Variants in CBX5 observed in about 807,000 individuals in gnomAD.
CBX5 encodes the protein chromobox protein homolog 5.
Under a neutral mutation model 20.7 loss-of-function variants are expected in CBX5, and 7 were observed. The ratio of observed to expected loss-of-function variants is 0.34; its 90% confidence interval spans 0.19 to 0.63. The LOEUF is 0.63. CBX5 is among the 30% of genes least tolerant of loss of function. The pLI, the probability that CBX5 is intolerant of heterozygous loss-of-function variation, is 0.75. For missense variants in CBX5, 110 were observed against 224.1 expected, an observed-to-expected ratio of 0.49 and a Z score of 3.25; for synonymous variants, 78 against 77.0, an observed-to-expected ratio of 1.01 and a Z score of -0.07.
chr12:54,272,209 T>C (rs995914542), intron 1 of CBX5: 7 of 152,218 alleles, frequency 4.6e-5, no homozygotes, highest in Non-Finnish European at 8.8e-5. Flanking sequence ...CTAAGAAACA[T>C]AGATTACTAT....
At chr12:54,267,488 GC>G (rs1380024131) in intron 1 of CBX5, among the ~76,000 whole-genome samples, 1 of 151,954 alleles carries the variant, frequency 6.6e-6, no homozygotes, top group Non-Finnish European at 1.5e-5. Flanking sequence ...TTAACGAAGA[GC>G]CTGTGTTAAG....
chr12:54,275,177 A>G (rs1944049443), intron 1 of CBX5, among the ~76,000 whole-genome samples: 3 of 152,172 alleles, frequency 2.0e-5, no homozygotes, highest in African/African-American at 7.2e-5. Context: ...ACTAGTTTTC[A>G]GACAGAATAT....
chr12:54,246,592 C>G (rs1229624838), intron 3 of CBX5, among the ~76,000 whole-genome samples: 1 of 151,788 alleles, frequency 6.6e-6, no homozygotes, highest in East Asian at 1.9e-4. Context: ...CCAGCCTGGC[C>G]AACATGGTGA....
intron 1 of CBX5, among the ~76,000 whole-genome samples, chr12:54,267,811 C>A (rs1394114128): frequency 6.6e-6 from 1 of 152,196 alleles, no homozygotes; most frequent in Non-Finnish European, 1.5e-5. Context: ...TGAGCCACAG[C>A]ACACAGCTGA....
chr12:54,262,125 G>T (rs1007914431), intron 1 of CBX5, among the ~76,000 whole-genome samples: 1 of 152,160 alleles, frequency 6.6e-6, no homozygotes, highest in Non-Finnish European at 1.5e-5. Context: ...TCTCTCAAGG[G>T]CAAAATACTT....
rs1943571706 is a variant in CBX5, at chr12:54,231,726, A to G, written c.*10029T>C. The G allele has an allele frequency of 6.6e-6, 1 of 152,304 alleles. No individual in the cohort carries two copies. The highest frequency in any genetic ancestry group is 1.5e-5 in the Non-Finnish European group (1 of 68,068). 9.4% of individuals were successfully genotyped at this position (152,304 alleles called of 1,614,324 possible). On this transcript the variant is annotated 3_prime_UTR_variant, in exon 5 of 5. Coordinates refer to ENST00000209875, the MANE Select transcript of CBX5 (RefSeq NM_012117.3). ...TCAAGGTTAGGTTCAGACTGCAGACACTAAGAGATGACAGATGTTGAATAC... is the reference window on the plus strand; with the variant it reads ...TCAAGGTTAGGTTCAGACTGCAGACGCTAAGAGATGACAGATGTTGAATAC...
chr12:54,247,447 C>G (rs1172345987), intron 3 of CBX5, among the ~76,000 whole-genome samples: 1 of 152,132 alleles, frequency 6.6e-6, no homozygotes, highest in Non-Finnish European at 1.5e-5. Context: ...GGGAGGATCC[C>G]TTGGGCCCAG....
At chr12:54,269,981 C>T (rs1373442634) in intron 1 of CBX5, among the ~76,000 whole-genome samples, 8 of 152,102 alleles carry the variant, frequency 5.3e-5, no homozygotes, top group African/African-American at 1.9e-4. Context: ...AAAATATTCC[C>T]TTATTATCTG....
At chr12:54,257,234 G>T (rs1485214465) in intron 2 of CBX5, among the ~76,000 whole-genome samples, 1 of 152,166 alleles carries the variant, frequency 6.6e-6, no homozygotes, top group Admixed American at 6.6e-5. Flanking sequence ...CATCCAGTTT[G>T]TATCATAAGT....
rs73321055 is a variant in CBX5, at chr12:54,257,782, G to A, written c.-42-90C>T. The A allele has an allele frequency of 3.5e-3, 3,005 of 860,298 alleles. 42 individuals carry two copies. The highest frequency in any genetic ancestry group is 0.033 in the East Asian group (1,343 of 40,514). The allele number at this position is 860,298 out of a possible 1,614,324, so 53.3% of individuals were successfully genotyped here. A position where few individuals can be genotyped will look rare whatever the true frequency, so the allele number is the denominator to read the frequency against. On this transcript the variant is annotated intron_variant, in intron 1 of 4. Coordinates refer to ENST00000209875, the MANE Select transcript of CBX5 (RefSeq NM_012117.3). ...GATGGGATGAAAAGGGGATAACACT[G>A]AGTTGCCATGTGCCCTGCTCTTGAG... is the stretch of plus-strand genomic sequence containing the variant.
intron 1 of CBX5, chr12:54,276,716 A>G (rs1944071894): frequency 6.6e-6 from 1 of 152,238 alleles, no homozygotes; most frequent in African/African-American, 2.4e-5. Context: ...TTCAATGGAA[A>G]TTGACTGCTT....
At chr12:54,266,955 T>G (rs1292083469) in intron 1 of CBX5, among the ~76,000 whole-genome samples, 1 of 152,212 alleles carries the variant, frequency 6.6e-6, no homozygotes, top group Non-Finnish European at 1.5e-5. Flanking sequence ...GGCAAGAGGT[T>G]AAATATCCAA....
chr12:54,265,863 A>G (rs1943951221), intron 1 of CBX5, among the ~76,000 whole-genome samples: 1 of 152,090 alleles, frequency 6.6e-6, no homozygotes, highest in Admixed American at 6.5e-5. Context: ...CGTGGCCAAC[A>G]TGGTGAAACC....
intron 1 of CBX5, among the ~76,000 whole-genome samples, chr12:54,279,357 A>G (rs1450625351): frequency 6.6e-6 from 1 of 152,150 alleles, no homozygotes; most frequent in Non-Finnish European, 1.5e-5. Context: ...GGCGGGGGAA[A>G]AATGCTCAAG....
At chr12:54,251,434 G>C (rs778184068) in intron 3 of CBX5, among the ~76,000 whole-genome samples, 48 of 150,936 alleles carry the variant, frequency 3.2e-4, no homozygotes, top group Non-Finnish European at 5.9e-4. Context: ...GAGGAGAATG[G>C]CGTGAACCCG....
intron 1 of CBX5, among the ~76,000 whole-genome samples, chr12:54,258,976 G>T (rs1232720997): frequency 1.4e-5 from 2 of 143,648 alleles, no homozygotes; most frequent in Non-Finnish European, 1.5e-5. Flanking sequence ...ATATATAGTT[G>T]GAGACCATAT....
chr12:54,267,511 TTC>T (rs1463899596), intron 1 of CBX5, among the ~76,000 whole-genome samples: 2 of 151,972 alleles, frequency 1.3e-5, no homozygotes, highest in African/African-American at 2.4e-5. Context: ...CAGGCAATTT[TTC>T]TCTTTTTTTT....
intron 4 of CBX5, among the ~76,000 whole-genome samples, chr12:54,243,356 A>C (rs1243009879): frequency 2.0e-5 from 3 of 151,802 alleles, no homozygotes; most frequent in South Asian, 4.2e-4. Context: ...TGAGAAAAGC[A>C]CTTGAGCCCG....
At chr12:54,252,280 G>C in intron 2 of CBX5, 53 bp from the exon 3 acceptor site, 1 of 1,362,382 alleles carries the variant, frequency 7.3e-7, no homozygotes, top group Non-Finnish European at 1.0e-6. Context: ...TAAAGAATGA[G>C]GAAAAAAATC....
Sources: gnomAD v4.1 joint callset for allele counts (sites outside exome capture counted in the v4.1 genomes callset) on GRCh38, gnomAD v4.1.1 for gene constraint, MANE v1.5 for transcripts, NCBI Gene and HGNC (gene_info 2026-07-23, HGNC 2026-07-21) for gene names.